The following TUBA1C variants were observed in gnomAD, a reference collection of about 807,000 sequenced individuals.
TUBA1C encodes tubulin alpha 1c.
Under a neutral mutation model 34.9 loss-of-function variants are expected in TUBA1C, and 16 were observed. That is an observed-to-expected ratio of 0.46 (90% confidence interval 0.31 to 0.70). The LOEUF (loss-of-function observed/expected upper bound fraction) is 0.70. Among genes scored for constraint, TUBA1C ranks in the 30% least tolerant of loss-of-function variants. The pLI is 0.05. For synonymous variants in TUBA1C, 177 were observed against 215.9 expected, an observed-to-expected ratio of 0.82 and a Z score of 1.58; for missense variants, 329 against 587.3, an observed-to-expected ratio of 0.56 and a Z score of 4.55.
chr12:49,273,303 A>G lies in TUBA1C; in HGVS notation c.*76A>G, dbSNP rs1478075461. ...GTTCTGTAAATGTCTATTGCCGTAAATTGTTAATAAAATTGAAGTTTCCAT... is the reference window on the plus strand; with the variant it reads ...GTTCTGTAAATGTCTATTGCCGTAAGTTGTTAATAAAATTGAAGTTTCCAT... On this transcript the variant is annotated 3_prime_UTR_variant, in exon 4 of 4. Transcript: ENST00000301072. 1.2e-6 allele frequency: 2 copies of G among 1,611,480 alleles called. No individual in the cohort carries two copies. Among genetic ancestry groups the G allele is most frequent in the East Asian group, 2.2e-5 (1 of 44,862 alleles).
Position 49,239,412 on chromosome 12 carries a change from G to A in TUBA1C, c.213+11246G>A, listed in dbSNP as rs546756043. On this transcript the variant is annotated intron_variant, in intron 1 of 3. Transcript: ENST00000541364. ...TCCCAGCACTTTGGGAGGCCGAAGC[G>A]GGCGGATCACCTGAGGTCAGCAGTT... Among the ~76,000 whole-genome samples, 37 of 152,128 alleles carry A rather than the reference G, an allele frequency of 2.4e-4. No individual in the cohort carries two copies. In the South Asian group the frequency reaches 5.8e-3, roughly 24 times the overall value.
At position 49,272,846 on chromosome 12, in the gene TUBA1C, G is replaced by A; in HGVS notation, c.969G>A (p.Val323=). Residue 323 remains valine, a synonymous_variant, in exon 4 of 4, where the codon GTG becomes GTA. Coordinates refer to ENST00000301072, the MANE Select transcript of TUBA1C (RefSeq NM_032704.5). The stretch of plus-strand genomic sequence containing the variant: ...GCTGCCTGTTATACCGTGGTGACGT[G>A]GTTCCCAAAGATGTCAATGCTGCCA... The part of the protein sequence containing the change: ...MACCLLYRGD[V]VPKDVNAAIA... 2 of 1,614,122 alleles carry A rather than the reference G, an allele frequency of 1.2e-6. No individual in the cohort carries two copies. Among genetic ancestry groups the A allele is most frequent in the South Asian group, 2.2e-5 (2 of 91,084 alleles).
upstream of TUBA1C, among the ~76,000 whole-genome samples, chr12:49,263,690 G>C (rs948667106): frequency 2.0e-5 from 3 of 152,080 alleles, no homozygotes; most frequent in African/African-American, 7.2e-5. Flanking sequence ...AGATGGTCAA[G>C]GAATTCATGA....
rs117320401 is a variant in TUBA1C at position 49,271,156 on chromosome 12, C to A, written c.376-1097C>A. 8.5e-5 allele frequency among the ~76,000 whole-genome samples: 13 copies of A among 152,292 alleles called. No homozygotes were observed. The East Asian group carries it at 2.3e-3, about 27-fold the overall frequency. On this transcript the variant is annotated intron_variant, in intron 3 of 3. Coordinates refer to ENST00000301072, the MANE Select transcript of TUBA1C (RefSeq NM_032704.5). ...TTGTCATTACTGTGCTCACAGGAGGCTTAACTGGTGTAATTGGTAGGCGAG... is the reference window on the plus strand; with the variant it reads ...TTGTCATTACTGTGCTCACAGGAGGATTAACTGGTGTAATTGGTAGGCGAG...
intron 3 of TUBA1C, among the ~76,000 whole-genome samples, chr12:49,270,633 T>A (rs570298310): frequency 6.6e-6 from 1 of 152,344 alleles, no homozygotes; most frequent in South Asian, 2.1e-4. Flanking sequence ...TCATACTTTC[T>A]CAGATGTTTA....
chr12:49,265,627 C>T (rs144215551), intron 1 of TUBA1C, among the ~76,000 whole-genome samples: 1 of 152,244 alleles, frequency 6.6e-6, no homozygotes, highest in Non-Finnish European at 1.5e-5. Flanking sequence ...CTGGCTCCCC[C>T]TCTCCAGCGC....
upstream of TUBA1C, among the ~76,000 whole-genome samples, chr12:49,261,374 T>C (rs1018245897): frequency 7.2e-5 from 11 of 152,234 alleles, no homozygotes; most frequent in African/African-American, 2.7e-4. Flanking sequence ...TAAATGACTT[T>C]TCTAGGACTT....
At chr12:49,237,190 C>T (rs1177519903) in intron 1 of TUBA1C, among the ~76,000 whole-genome samples, 1 of 152,064 alleles carries the variant, frequency 6.6e-6, no homozygotes, top group Non-Finnish European at 1.5e-5. Context: ...GAGGCTGAGG[C>T]AGGTGGATCA....
At position 49,274,476 on chromosome 12, in the gene TUBA1C, T is replaced by C. The variant is rs920344814; in HGVS notation, c.*1249T>C. 1 of 151,890 alleles carries C rather than the reference T, an allele frequency of 6.6e-6. No individual in the cohort carries two copies. The highest frequency in any genetic ancestry group is 2.4e-5 in the African/African-American group (1 of 41,320). 9.4% of individuals were successfully genotyped at this position (151,890 alleles called of 1,614,324 possible). A position where few individuals can be genotyped will look rare whatever the true frequency, so the allele number is the denominator to read the frequency against. On this transcript the variant is annotated 3_prime_UTR_variant, in exon 4 of 4. Transcript: ENST00000301072. ...AACCTCCCAAATGATGCTGTTGGTC[T>C]GATGTGACCACATGTACAGTAGCAA...
At chr12:49,272,218 T>C (rs1331931892) in intron 3 of TUBA1C, 35 bp from the exon 4 acceptor site, 4 of 1,564,292 alleles carry the variant, frequency 2.6e-6, no homozygotes, top group African/African-American at 1.4e-5. Context: ...AATGAAACTT[T>C]CGCAACACTA....
intron 1 of TUBA1C, among the ~76,000 whole-genome samples, chr12:49,231,691 G>A (rs1942498846): frequency 6.6e-6 from 1 of 151,960 alleles, no homozygotes; most frequent in Non-Finnish European, 1.5e-5. Context: ...ATGATAGATA[G>A]ATAGATAGAC....
At chr12:49,255,141 C>A (rs562299141) in intron 1 of TUBA1C, among the ~76,000 whole-genome samples, 1 of 151,838 alleles carries the variant, frequency 6.6e-6, no homozygotes, top group Non-Finnish European at 1.5e-5. Flanking sequence ...GAGAAACTCA[C>A]CCAAAATACA....
intron 1 of TUBA1C, among the ~76,000 whole-genome samples, chr12:49,257,008 C>T (rs535001305): frequency 6.6e-6 from 1 of 151,934 alleles, no homozygotes; most frequent in East Asian, 1.9e-4. Context: ...GATGAAACCC[C>T]GTCTCTACTA....
chr12:49,241,195 C>A (rs556562241), intron 1 of TUBA1C, among the ~76,000 whole-genome samples: 1 of 152,152 alleles, frequency 6.6e-6, no homozygotes, highest in African/African-American at 2.4e-5. Context: ...AGCCACCATG[C>A]CTGGTCCCAT....
chr12:49,266,250 C>A (rs186326767), intron 1 of TUBA1C, among the ~76,000 whole-genome samples: 2,159 of 146,522 alleles, frequency 0.015, 50 homozygotes, highest in African/African-American at 0.051. Context: ...ACGGTGAAAC[C>A]CCGTCTCTAC....
intron 1 of TUBA1C, chr12:49,256,455 A>G (rs1280594849): frequency 2.2e-6 from 1 of 455,422 alleles, no homozygotes; most frequent in African/African-American, 2.0e-5. Flanking sequence ...AGCTGAGGGA[A>G]CTGGATAAGA....
At chr12:49,244,671 A>G (rs1207520449) in intron 1 of TUBA1C, among the ~76,000 whole-genome samples, 1 of 152,082 alleles carries the variant, frequency 6.6e-6, no homozygotes, top group East Asian at 1.9e-4. Context: ...GTACATCATA[A>G]TAAGGCATAA....
chr12:49,234,543 G>A (rs1032988268), intron 1 of TUBA1C, among the ~76,000 whole-genome samples: 1 of 152,192 alleles, frequency 6.6e-6, no homozygotes, highest in African/African-American at 2.4e-5. Flanking sequence ...CTGGGCTCGG[G>A]CTCCCACCCG....
intron 1 of TUBA1C, among the ~76,000 whole-genome samples, chr12:49,247,752 C>T (rs2136999540): frequency 6.6e-6 from 1 of 151,320 alleles, no homozygotes; most frequent in Middle Eastern, 3.4e-3. Flanking sequence ...TCAAGACCAG[C>T]TTGGCCAGCA....
Sources: allele counts gnomAD v4.1 joint callset (sites outside exome capture counted in the v4.1 genomes callset), GRCh38; gene constraint gnomAD v4.1.1; transcripts MANE v1.5; gene names NCBI Gene and HGNC (gene_info 2026-07-23, HGNC 2026-07-21).